GCNT2: variants seen among roughly 807,000 people sequenced by gnomAD.
The protein encoded by GCNT2 is glucosaminyl (N-acetyl) transferase 2 (I blood group).
Under a neutral mutation model 34.2 loss-of-function variants are expected in GCNT2, and 34 were observed. The observed-to-expected ratio is 1.00, with a 90% CI of 0.76 to 1.32. GCNT2 has a LOEUF of 1.32. Among genes scored for constraint, GCNT2 ranks in the 40% most tolerant of loss-of-function variants. GCNT2 has a pLI of 0.00. For missense variants in GCNT2, 584 were observed against 489.4 expected (o/e 1.19, Z -1.82); for synonymous variants, 212 against 188.0 (o/e 1.13, Z -1.04).
At chr6:10,574,677 G>T (rs1763713561) in intron 3 of GCNT2, 1 of 352,366 alleles carries the variant, frequency 2.8e-6, no homozygotes, top group Non-Finnish European at 5.4e-6. Flanking sequence ...CTGCCCTTGA[G>T]CCAAGAATGT....
At chr6:10,526,747 C>G (rs891262220) in intron 1 of GCNT2, among the ~76,000 whole-genome samples, 1 of 152,102 alleles carries the variant, frequency 6.6e-6, no homozygotes, top group Admixed American at 6.5e-5. Context: ...TTCCTATAGG[C>G]AAGAGGTAAA....
Position 10,528,936 on chromosome 6 carries a change from CTT to C in GCNT2, c.29_30del (p.Phe10Ter). On this transcript the variant is annotated frameshift_variant, in exon 3 of 5. Coordinates refer to ENST00000495262, the MANE Select transcript of GCNT2 (RefSeq NM_145649.5). LOFTEE classifies it high-confidence loss of function. Reference sequence around the variant, plus strand: ...AATGATGGGCTCTTGGAAGCACTGTCTTTTTAGCGCGTCTCTTATCTCTGCCC... The same window carrying C: ...AATGATGGGCTCTTGGAAGCACTGTCTTTAGCGCGTCTCTTATCTCTGCCC... MMGSWKHC[L>X]FSASLISALI... 1.2e-6 allele frequency: 2 copies of C among 1,613,734 alleles called. No individual in the cohort carries two copies. The highest frequency in any genetic ancestry group is 8.5e-7 in the Non-Finnish European group (1 of 1,179,660).
chr6:10,522,823 C>CG (rs1258402637), intron 1 of GCNT2, among the ~76,000 whole-genome samples: 1 of 152,070 alleles, frequency 6.6e-6, no homozygotes, highest in Non-Finnish European at 1.5e-5. Context: ...AACAAAGCCT[C>CG]GGGCACGGAG....
intron 3 of GCNT2, among the ~76,000 whole-genome samples, chr6:10,613,774 G>A (rs943916634): frequency 2.0e-5 from 3 of 152,186 alleles, no homozygotes; most frequent in African/African-American, 7.2e-5. Context: ...AGTCTAAAAG[G>A]TTGAAAAGCC....
chr6:10,580,883 A>G (rs1371176606), intron 3 of GCNT2, among the ~76,000 whole-genome samples: 1 of 152,102 alleles, frequency 6.6e-6, no homozygotes, highest in African/African-American at 2.4e-5. Flanking sequence ...TGAGATGATG[A>G]TGTGTTGTTA....
intron 3 of GCNT2, among the ~76,000 whole-genome samples, chr6:10,541,478 G>A (rs538371567): frequency 3.3e-5 from 5 of 152,220 alleles, no homozygotes; most frequent in South Asian, 2.1e-4. Flanking sequence ...GAACATACGC[G>A]TGCATGTATC....
intron 3 of GCNT2, among the ~76,000 whole-genome samples, chr6:10,531,234 A>G (rs932615160): frequency 5.3e-5 from 8 of 152,188 alleles, no homozygotes; most frequent in African/African-American, 1.7e-4. Context: ...AATCAATTCC[A>G]TCTCTCCTTT....
chr6:10,589,053 GT>G (rs1268461870), intron 3 of GCNT2, among the ~76,000 whole-genome samples: 1 of 147,660 alleles, frequency 6.8e-6, no homozygotes, highest in African/African-American at 2.5e-5. Context: ...TATGGTGTGT[GT>G]GTGGTGTGTG....
chr6:10,523,229 C>G (rs1276785724), intron 1 of GCNT2, among the ~76,000 whole-genome samples: 2 of 151,910 alleles, frequency 1.3e-5, no homozygotes, highest in African/African-American at 4.8e-5. Context: ...CGAGACCAGC[C>G]TACCAGCATG....
rs1472553160 is a variant in GCNT2 at position 10,529,389 on chromosome 6, G to A, written c.478G>A (p.Val160Ile). 2 of 1,613,980 alleles carry A rather than the reference G, an allele frequency of 1.2e-6. No individual in the cohort carries two copies. The highest frequency in any genetic ancestry group is 2.7e-5 in the African/African-American group (2 of 74,906). Residue 160 changes from valine (V) to isoleucine (I), a missense_variant, in exon 3 of 5, where the codon GTC becomes ATC. Physicochemically the swap from Val to Ile is conservative, Grantham distance 29 (BLOSUM62 3). Coordinates refer to ENST00000495262, the MANE Select transcript of GCNT2 (RefSeq NM_145649.5). ...TCTGGCTTCCAAGAAGGAGTCGGTTGTCTATGGGGGGATCTCCAGGCTCCA... is the reference window on the plus strand; with the variant it reads ...TCTGGCTTCCAAGAAGGAGTCGGTTATCTATGGGGGGATCTCCAGGCTCCA... ...AFLASKKESV[V>I]YGGISRLQAD... is the part of the protein sequence containing the mutation.
At chr6:10,533,181 CTG>C (rs1170088004) in intron 3 of GCNT2, among the ~76,000 whole-genome samples, 3 of 151,916 alleles carry the variant, frequency 2.0e-5, no homozygotes, top group Non-Finnish European at 4.4e-5. Context: ...TGGCACGTGC[CTG>C]TAATCCCAGC....
chr6:10,541,345 G>A (rs1403549007), intron 3 of GCNT2, among the ~76,000 whole-genome samples: 2 of 152,084 alleles, frequency 1.3e-5, no homozygotes, highest in Non-Finnish European at 2.9e-5. Context: ...ACATGATCTC[G>A]TTCCTTTTTA....
chr6:10,582,516 T>TAATA (rs1188918865), intron 3 of GCNT2, among the ~76,000 whole-genome samples: 2 of 99,158 alleles, frequency 2.0e-5, no homozygotes, highest in African/African-American at 8.3e-5. Flanking sequence ...ACATCATATA[T>TAATA]TATATTATAC....
intron 3 of GCNT2, among the ~76,000 whole-genome samples, chr6:10,545,368 T>A (rs1164372309): frequency 6.6e-6 from 1 of 152,156 alleles, no homozygotes; most frequent in Non-Finnish European, 1.5e-5. Context: ...TTTGTTTAAA[T>A]CCACATCAAG....
chr6:10,523,083 C>A (rs1561771835), intron 1 of GCNT2, among the ~76,000 whole-genome samples: 1 of 152,202 alleles, frequency 6.6e-6, no homozygotes, highest in African/African-American at 2.4e-5. Flanking sequence ...TTTAACTTTG[C>A]TCAGTCTTGC....
intron 3 of GCNT2, among the ~76,000 whole-genome samples, chr6:10,533,421 CT>C (rs1028793859): frequency 5.3e-5 from 8 of 152,022 alleles, no homozygotes; most frequent in African/African-American, 1.9e-4. Flanking sequence ...AGCCATAGAT[CT>C]AAAATCAAAT....
intron 1 of GCNT2, among the ~76,000 whole-genome samples, chr6:10,525,788 A>G (rs898857839): frequency 6.6e-6 from 1 of 152,230 alleles, no homozygotes; most frequent in African/African-American, 2.4e-5. Context: ...GCAGCAGAGC[A>G]CAAAATACAA....
intron 3 of GCNT2, among the ~76,000 whole-genome samples, chr6:10,591,352 G>A (rs1764633951): frequency 6.6e-6 from 1 of 152,138 alleles, no homozygotes; most frequent in Admixed American, 6.5e-5. Context: ...CCTAGGATGG[G>A]GGATAATTTT....
At chr6:10,524,129 T>G (rs1440772797) in intron 1 of GCNT2, among the ~76,000 whole-genome samples, 6 of 152,020 alleles carry the variant, frequency 3.9e-5, no homozygotes, top group Non-Finnish European at 7.4e-5. Flanking sequence ...CAAACGGGTG[T>G]TGTTTTCTCA....
Sources: allele counts gnomAD v4.1 joint callset (sites outside exome capture counted in the v4.1 genomes callset), GRCh38; gene constraint gnomAD v4.1.1; transcripts MANE v1.5; gene names NCBI Gene and HGNC (gene_info 2026-07-23, HGNC 2026-07-21).